DTNA: variants seen among roughly 807,000 people sequenced by gnomAD.
DTNA encodes the protein dystrobrevin alpha.
DTNA carries 43 observed loss-of-function variants against 100.7 expected under a neutral mutation model. The observed-to-expected ratio is 0.43, with a 90% CI of 0.33 to 0.55. DTNA has a LOEUF of 0.55. Among genes scored for constraint, DTNA ranks in the 20% least tolerant of loss-of-function variants. The probability of loss-of-function intolerance (pLI) is 0.04; values close to 1 mark genes in which losing one functional copy is unlikely to be tolerated. For synonymous variants in DTNA, 349 were observed against 347.9 expected, an observed-to-expected ratio of 1.00 and a Z score of -0.04; for missense variants, 798 against 953.9, an observed-to-expected ratio of 0.84 and a Z score of 2.15.
intron 3 of DTNA, among the ~76,000 whole-genome samples, chr18:34,792,394 C>T (rs922840090): frequency 6.6e-6 from 1 of 151,960 alleles, no homozygotes; most frequent in Non-Finnish European, 1.5e-5. Context: ...AGTCAGAAAC[C>T]ATAGATCTGT....
intron 1 of DTNA, among the ~76,000 whole-genome samples, chr18:34,519,917 C>T (rs191421264): frequency 2.3e-4 from 35 of 152,252 alleles, no homozygotes; most frequent in Admixed American, 1.4e-3. Context: ...CCTAGGTTCT[C>T]GTCCCTTTTT....
Position 34,889,465 on chromosome 18 carries a change from T to A in DTNA, c.*1731T>A, listed in dbSNP as rs1217291175. On this transcript the variant is annotated 3_prime_UTR_variant, in exon 23 of 23. Transcript: ENST00000444659. ...TAATAAAGTCTCTGAAAAGGCCTTATTCAGAATAAGCAAGAAAGGTTCTGT... is the reference window on the plus strand; with the variant it reads ...TAATAAAGTCTCTGAAAAGGCCTTAATCAGAATAAGCAAGAAAGGTTCTGT... The A allele has an allele frequency of 2.3e-5, 23 of 985,274 alleles. No homozygotes were observed. The highest frequency in any genetic ancestry group is 2.8e-5 in the Non-Finnish European group (23 of 829,940). The allele number at this position is 985,274 out of a possible 1,614,324, so 61.0% of individuals were successfully genotyped here.
intron 1 of DTNA, among the ~76,000 whole-genome samples, chr18:34,654,156 G>A (rs1482231256): frequency 6.6e-6 from 1 of 152,128 alleles, no homozygotes; most frequent in African/African-American, 2.4e-5. Context: ...CCTGTTATTG[G>A]CCAACCATCT....
intron 1 of DTNA, among the ~76,000 whole-genome samples, chr18:34,689,035 C>T (rs28816379): frequency 0.036 from 5,431 of 152,164 alleles, 309 homozygotes; most frequent in African/African-American, 0.12. Context: ...TTCTAGTTAG[C>T]AATTCCTCTA....
chr18:34,838,065 C>T (rs531326854), intron 11 of DTNA, 29 bp from the exon 12 acceptor site: 14 of 1,610,108 alleles, frequency 8.7e-6, no homozygotes, highest in East Asian at 6.7e-5. Context: ...TGTTTACGCT[C>T]TTCTTGGCTT....
chr18:34,569,271 G>C (rs1227784442), intron 1 of DTNA, among the ~76,000 whole-genome samples: 1 of 152,156 alleles, frequency 6.6e-6, no homozygotes, highest in Non-Finnish European at 1.5e-5. Context: ...ATGTGAGAGA[G>C]GAGATCATTA....
chr18:34,862,138 A>G (rs1034936336), intron 16 of DTNA, among the ~76,000 whole-genome samples: 1 of 149,556 alleles, frequency 6.7e-6, no homozygotes, highest in African/African-American at 2.5e-5. Context: ...AAAAAAAAAA[A>G]AAAAAGAGAA....
chr18:34,614,017 G>A (rs944570443), intron 1 of DTNA, among the ~76,000 whole-genome samples: 1 of 152,098 alleles, frequency 6.6e-6, no homozygotes, highest in African/African-American at 2.4e-5. Flanking sequence ...TCTTGTTAGG[G>A]TCTAATGAAA....
intron 1 of DTNA, among the ~76,000 whole-genome samples, chr18:34,502,076 G>A (rs2039986412): frequency 1.3e-5 from 2 of 152,134 alleles, no homozygotes; most frequent in Admixed American, 6.5e-5. Context: ...GTAATGATCT[G>A]TTTCATATTG....
intron 1 of DTNA, among the ~76,000 whole-genome samples, chr18:34,584,035 C>A (rs890979074): frequency 1.3e-5 from 2 of 152,154 alleles, no homozygotes; most frequent in African/African-American, 4.8e-5. Context: ...ACTCTACTTT[C>A]CCTTCAAGCC....
At chr18:34,782,789 T>G (rs556084326) in intron 3 of DTNA, among the ~76,000 whole-genome samples, 8 of 152,356 alleles carry the variant, frequency 5.3e-5, no homozygotes, top group African/African-American at 1.9e-4. Flanking sequence ...ATTTTCATGC[T>G]TAGCCTGTTG....
chr18:34,836,651 A>G (rs1010488757), intron 11 of DTNA, among the ~76,000 whole-genome samples: 4 of 151,186 alleles, frequency 2.6e-5, no homozygotes, highest in African/African-American at 9.7e-5. Context: ...CTGTCTCAAA[A>G]AAAAAAAAAA....
chr18:34,533,017 G>A (rs750972007), intron 1 of DTNA, among the ~76,000 whole-genome samples: 3 of 151,924 alleles, frequency 2.0e-5, no homozygotes, highest in Admixed American at 6.6e-5. Context: ...TTATGTTGGC[G>A]AAATAATTTA....
chr18:34,626,583 T>A lies in DTNA; in HGVS notation c.-1-129393T>A, dbSNP rs115211280. 6.1e-3 allele frequency among the ~76,000 whole-genome samples: 928 copies of A among 152,306 alleles called. 10 individuals carry two copies. The highest frequency in any genetic ancestry group is 0.021 in the African/African-American group (871 of 41,576). ...CCTGAGAAGAGGCAGACGCAACAGG[T>A]TGCCAGCAACCAGCAAACCATTTAA... On this transcript the variant is annotated intron_variant, in intron 1 of 19. Transcript: ENST00000283365.
intron 1 of DTNA, among the ~76,000 whole-genome samples, chr18:34,527,094 A>G (rs960473962): frequency 1.1e-4 from 16 of 151,750 alleles, no homozygotes; most frequent in African/African-American, 3.4e-4. Flanking sequence ...TCTCTCTACA[A>G]TTGTCCTTTC....
intron 1 of DTNA, among the ~76,000 whole-genome samples, chr18:34,670,696 C>T (rs2076621998): frequency 6.6e-6 from 1 of 152,208 alleles, no homozygotes; most frequent in Non-Finnish European, 1.5e-5. Context: ...ACTCCAGACC[C>T]TTTTGGCCTG....
rs995718054 is a variant in DTNA at position 34,889,963 on chromosome 18, G to C, written c.*2229G>C. The C allele has an allele frequency of 3.6e-6, 4 of 1,107,484 alleles. No individual in the cohort carries two copies. The highest frequency in any genetic ancestry group is 1.6e-5 in the African/African-American group (1 of 61,404). 68.6% of individuals were successfully genotyped at this position (1,107,484 alleles called of 1,614,324 possible). On this transcript the variant is annotated 3_prime_UTR_variant, in exon 23 of 23. Transcript: ENST00000444659. Reference sequence around the variant, plus strand: ...GGTGGCCACTGGTGCCTCATACTCAGTATTGAAAACCACTACATCCCAGCT... The same window carrying C: ...GGTGGCCACTGGTGCCTCATACTCACTATTGAAAACCACTACATCCCAGCT...
At chr18:34,822,650 G>C (rs969606272) in intron 9 of DTNA, 1 of 153,436 alleles carries the variant, frequency 6.5e-6, no homozygotes, top group Non-Finnish European at 1.5e-5. Context: ...GTGTGTGCAC[G>C]TGTGTGTCTG....
intron 1 of DTNA, among the ~76,000 whole-genome samples, chr18:34,650,712 G>A (rs1275232897): frequency 6.6e-6 from 1 of 152,084 alleles, no homozygotes; most frequent in East Asian, 1.9e-4. Flanking sequence ...CCTAATATTA[G>A]TAAATAACAT....
Sources: gnomAD v4.1 joint callset for allele counts (sites outside exome capture counted in the v4.1 genomes callset) on GRCh38, gnomAD v4.1.1 for gene constraint, MANE v1.5 for transcripts, NCBI Gene and HGNC (gene_info 2026-07-23, HGNC 2026-07-21) for gene names.